Variants in LRRC37A2 observed in about 807,000 individuals in gnomAD.
The protein encoded by LRRC37A2 is leucine-rich repeat-containing protein 37A2.
LRRC37A2 carries 9 observed loss-of-function variants against 68.8 expected under a neutral mutation model. That is an observed-to-expected ratio of 0.13 (90% CI 0.08 to 0.23). LRRC37A2 has a LOEUF of 0.23. LRRC37A2 is among the 10% of genes least tolerant of loss of function. The pLI is 1.00. For synonymous variants in LRRC37A2, 63 were observed against 367.6 expected, an observed-to-expected ratio of 0.17 and a Z score of 9.48; for missense variants, 168 against 950.4, an observed-to-expected ratio of 0.18 and a Z score of 10.82.
At chr17:46,728,121 TG>T in the LRRC37A2 span, among the ~76,000 whole-genome samples, 1 of 152,178 alleles carries the variant, frequency 6.6e-6, no homozygotes, top group African/African-American at 2.4e-5. Flanking sequence ...GAGGTGCATA[TG>T]CAGTATGCAG....
chr17:46,845,356 G>A, the LRRC37A2 span, among the ~76,000 whole-genome samples: 1 of 152,066 alleles, frequency 6.6e-6, no homozygotes, highest in Non-Finnish European at 1.5e-5. Flanking sequence ...CTATGCTCCT[G>A]GAAGTGGTAA....
the LRRC37A2 span, among the ~76,000 whole-genome samples, chr17:46,949,780 G>C: frequency 6.6e-6 from 1 of 152,186 alleles, no homozygotes; most frequent in Non-Finnish European, 1.5e-5. Context: ...CTGGGCGGAC[G>C]GTCTCAGCAG....
the LRRC37A2 span, among the ~76,000 whole-genome samples, chr17:46,438,348 A>G: frequency 1.2e-5 from 1 of 81,202 alleles, no homozygotes. Flanking sequence ...TTTAAAAAAA[A>G]AAAAAAGGAA....
chr17:46,730,992 G>A, the LRRC37A2 span, among the ~76,000 whole-genome samples: 1 of 152,054 alleles, frequency 6.6e-6, no homozygotes, highest in Non-Finnish European at 1.5e-5. Context: ...GTTAAGCATA[G>A]AGTTACCATA....
chr17:46,949,302 C>T, the LRRC37A2 span: 1 of 152,390 alleles, frequency 6.6e-6, no homozygotes, highest in African/African-American at 2.4e-5. Context: ...CACGGCTTCT[C>T]CATGGGACCA....
the LRRC37A2 span, among the ~76,000 whole-genome samples, chr17:46,838,249 G>C: frequency 5.1e-4 from 77 of 151,918 alleles, no homozygotes; most frequent in Admixed American, 5.1e-3. Context: ...GGTAAGGTGG[G>C]GAGGGAAGGA....
chr17:46,852,710 C>G, the LRRC37A2 span, among the ~76,000 whole-genome samples: 4 of 152,178 alleles, frequency 2.6e-5, no homozygotes, highest in African/African-American at 7.2e-5. Context: ...TAAGCCTTGC[C>G]TCCTTTTAAA....
At chr17:46,923,834 GT>G in the LRRC37A2 span, 2 of 399,104 alleles carry the variant, frequency 5.0e-6, no homozygotes, top group Non-Finnish European at 8.8e-6. Flanking sequence ...TATTCGCATC[GT>G]CCTGCACTTT....
the LRRC37A2 span, among the ~76,000 whole-genome samples, chr17:47,044,042 T>C: frequency 1.1e-5 from 1 of 92,088 alleles, no homozygotes; most frequent in Non-Finnish European, 2.2e-5. Context: ...TGAGACTCCA[T>C]CTCAAAAAAA....
chr17:47,026,626 G>A, the LRRC37A2 span, among the ~76,000 whole-genome samples: 6 of 152,194 alleles, frequency 3.9e-5, no homozygotes, highest in African/African-American at 1.2e-4. Flanking sequence ...GCCAGACAAC[G>A]TTACACCATC....
At chr17:46,458,798 C>T in the LRRC37A2 span, among the ~76,000 whole-genome samples, 1 of 109,426 alleles carries the variant, frequency 9.1e-6, no homozygotes, top group Non-Finnish European at 2.1e-5. Context: ...GCCTTGGCCT[C>T]CCAAAGTGCT....
the LRRC37A2 span, chr17:46,875,332 G>A: frequency 3.6e-5 from 58 of 1,611,970 alleles, no homozygotes; most frequent in East Asian, 5.4e-4. Flanking sequence ...CTGCGGGCAC[G>A]GGCAGACGCC....
chr17:46,714,690 C>T, the LRRC37A2 span, among the ~76,000 whole-genome samples: 8 of 152,322 alleles, frequency 5.3e-5, no homozygotes, highest in African/African-American at 1.9e-4. Flanking sequence ...TTCCATCTTA[C>T]TTGTTAGATC....
chr17:47,024,705 G>A, the LRRC37A2 span: 1 of 864,824 alleles, frequency 1.2e-6, no homozygotes, highest in East Asian at 2.4e-5. Context: ...TAACTTGACT[G>A]AATTACACAA....
chr17:46,874,245 C>T, the LRRC37A2 span, among the ~76,000 whole-genome samples: 1 of 152,122 alleles, frequency 6.6e-6, no homozygotes, highest in Non-Finnish European at 1.5e-5. Context: ...GCAAGTCAGC[C>T]AGGAGACTCA....
the LRRC37A2 span, among the ~76,000 whole-genome samples, chr17:46,989,941 A>C: frequency 6.6e-6 from 1 of 152,268 alleles, no homozygotes; most frequent in Non-Finnish European, 1.5e-5. Context: ...AGCTGAGCCC[A>C]AAACCCCACA....
chr17:46,935,188 G>A, the LRRC37A2 span: 1 of 1,613,722 alleles, frequency 6.2e-7, no homozygotes. Flanking sequence ...CCTGCTGGGG[G>A]ACAGAGAGAA....
chr17:46,950,549 G>T, the LRRC37A2 span, among the ~76,000 whole-genome samples: 2 of 152,232 alleles, frequency 1.3e-5, no homozygotes, highest in Admixed American at 6.5e-5. Context: ...GGACCAGGCA[G>T]CTTATTAGGC....
the LRRC37A2 span, among the ~76,000 whole-genome samples, chr17:46,879,286 AAGG>A: frequency 6.6e-6 from 1 of 152,096 alleles, no homozygotes; most frequent in African/African-American, 2.4e-5. Flanking sequence ...GGTCGCTGGG[AAGG>A]AGGACAAACC....
Sources: gnomAD v4.1 joint callset for allele counts (sites outside exome capture counted in the v4.1 genomes callset) on GRCh38, gnomAD v4.1.1 for gene constraint, MANE v1.5 for transcripts, NCBI Gene and HGNC (gene_info 2026-07-23, HGNC 2026-07-21) for gene names.